CHRND: variants seen among roughly 807,000 people sequenced by gnomAD.
CHRND encodes cholinergic receptor nicotinic delta subunit.
CHRND carries 40 observed loss-of-function variants against 57.8 expected under a neutral mutation model. That is an observed-to-expected ratio of 0.69 (90% confidence interval 0.54 to 0.90). CHRND has a LOEUF of 0.90. Ranked by LOEUF, CHRND falls within the 40% of genes least tolerant of loss-of-function variation. The probability of loss-of-function intolerance (pLI) is 0.00; values close to 1 mark genes in which losing one functional copy is unlikely to be tolerated. For missense variants in CHRND, 634 were observed against 673.9 expected, an observed-to-expected ratio of 0.94 and a Z score of 0.66; for synonymous variants, 237 against 270.6, an observed-to-expected ratio of 0.88 and a Z score of 1.22.
chr2:232,529,539 G>A (rs544745377), intron 6 of CHRND, among the ~76,000 whole-genome samples: 211 of 152,360 alleles, frequency 1.4e-3, no homozygotes, highest in African/African-American at 4.0e-3. Context: ...GCCGAGGAGT[G>A]GCTCAATTAA....
chr2:232,535,058 G>C (rs1691834088), intron 11 of CHRND, 72 bp from the exon 12 acceptor site: 1 of 1,572,352 alleles, frequency 6.4e-7, no homozygotes, highest in Non-Finnish European at 8.7e-7. Context: ...TCCATGGCTG[G>C]GCCCCAGCTT....
At chr2:232,526,504 A>T in intron 1 of CHRND, 25 bp from the exon 2 acceptor site, 2 of 1,613,292 alleles carry the variant, frequency 1.2e-6, no homozygotes, top group Non-Finnish European at 1.7e-6. Flanking sequence ...GGCCCCATTC[A>T]GTCCTTGTCG....
chr2:232,527,302 GAA>G (rs60481847), intron 2 of CHRND, 97 bp from the exon 3 acceptor site: 3 of 942,898 alleles, frequency 3.2e-6, no homozygotes, highest in Admixed American at 3.9e-5. Context: ...CAAGACCCTG[GAA>G]AAAAAAAGAG....
In CHRND at chr2:232,528,548, A is replaced by T; in HGVS notation, c.401A>T (p.Tyr134Phe). Residue 134 changes from tyrosine (Y) to phenylalanine (F), a missense_variant, in exon 5 of 12, where the codon TAC (tyrosine) becomes TTC (phenylalanine). Coordinates refer to ENST00000258385, the MANE Select transcript of CHRND (RefSeq NM_000751.3). ...TCCTACTCCTGCAACGTGCTTGTCT[A>T]CCACTACGGCTTCGTGTACTGGCTG... is the stretch of plus-strand genomic sequence containing the variant. ...QISYSCNVLV[Y>F]HYGFVYWLPP... The T allele has an allele frequency of 1.9e-6, 3 of 1,614,010 alleles. No homozygotes were observed. The highest frequency in any genetic ancestry group is 2.5e-6 in the Non-Finnish European group (3 of 1,180,004).
At position 232,528,577 on chromosome 2, in the gene CHRND, C is replaced by T. The variant is rs1691569628; in HGVS notation, c.430C>T (p.Pro144Ser). 1.2e-6 allele frequency: 2 copies of T among 1,614,022 alleles called. No homozygotes were observed. The highest frequency in any genetic ancestry group is 2.2e-5 in the East Asian group (1 of 44,882). Reference protein sequence around the residue: ...YHYGFVYWLPPAIFRSSCPIS... With the variant: ...YHYGFVYWLPSAIFRSSCPIS... ...CTACGGCTTCGTGTACTGGCTGCCA[C>T]CTGCCATCTTCCGCTCCTCCTGCCC... is the stretch of plus-strand genomic sequence containing the variant. Residue 144 changes from proline (P) to serine (S), a missense_variant, in exon 5 of 12, where the codon CCT (proline) becomes TCT (serine). Pro to Ser is a moderately conservative substitution (Grantham distance 74, BLOSUM62 -1). Transcript: ENST00000258385.
intron 4 of CHRND, 50 bp from the exon 5 acceptor site, chr2:232,528,451 C>G (rs756306085): frequency 4.3e-6 from 7 of 1,613,772 alleles, no homozygotes; most frequent in Admixed American, 3.3e-5. Context: ...CCCAACTCTG[C>G]CAGTCGTGAG....
At chr2:232,534,416 G>T in intron 11 of CHRND, 74 bp downstream of exon 11, 1 of 1,451,394 alleles carries the variant, frequency 6.9e-7, no homozygotes, top group Non-Finnish European at 9.7e-7. Context: ...TCTTAAGAGG[G>T]CAGGGTTCCC....
chr2:232,526,935 G>A (rs892421781), intron 2 of CHRND, among the ~76,000 whole-genome samples: 3 of 152,158 alleles, frequency 2.0e-5, no homozygotes, highest in Admixed American at 6.5e-5. Context: ...GCTCCCTGGC[G>A]GCCTACCCAC....
chr2:232,530,090 C>A lies in CHRND; in HGVS notation c.771C>A (p.Cys257Ter). The part of the protein sequence containing the change: ...LFYIINILVP[C>*]VLISFMVNLV... Reference sequence around the variant, plus strand: ...ACATCATCAACATCCTGGTGCCCTGCGTGCTCATCTCCTTCATGGTCAACC... The same window carrying A: ...ACATCATCAACATCCTGGTGCCCTGAGTGCTCATCTCCTTCATGGTCAACC... The change falls in exon 7 of 12, where the codon TGC becomes TGA. Residue 257 changes from cysteine to a stop codon, truncating the protein, a stop_gained. Transcript: ENST00000258385. LOFTEE classifies it high-confidence loss of function. The A allele has an allele frequency of 6.2e-7, 1 of 1,614,150 alleles. No individual in the cohort carries two copies. Among genetic ancestry groups the A allele is most frequent in the Non-Finnish European group, 8.5e-7 (1 of 1,180,032 alleles).
intron 11 of CHRND, 27 bp from the exon 12 acceptor site, chr2:232,535,103 C>T (rs746294428): frequency 2.5e-6 from 4 of 1,612,908 alleles, no homozygotes; most frequent in Non-Finnish European, 3.4e-6. Context: ...GCCCTTCTCA[C>T]CCCACTCTCT....
intron 2 of CHRND, 108 bp downstream of exon 2, chr2:232,526,782 C>CGAGT (rs1346024379): frequency 1.7e-6 from 2 of 1,174,610 alleles, no homozygotes; most frequent in Non-Finnish European, 2.5e-6. Context: ...ATGGCCACTC[C>CGAGT]CTTCCTGGGA....
At chr2:232,527,330 G>GAT in intron 2 of CHRND, 71 bp from the exon 3 acceptor site, 1 of 1,306,870 alleles carries the variant, frequency 7.7e-7, no homozygotes. Context: ...GAGAGAGAGA[G>GAT]AGAGTGGGTG....
chr2:232,533,885 G>T, intron 9 of CHRND, 46 bp from the exon 10 acceptor site: 2 of 1,593,832 alleles, frequency 1.3e-6, no homozygotes, highest in Non-Finnish European at 1.7e-6. Flanking sequence ...CAAAAACAAA[G>T]AACAAAAAAC....
intron 6 of CHRND, 90 bp from the exon 7 acceptor site, chr2:232,529,849 T>C: frequency 2.1e-6 from 3 of 1,433,302 alleles, no homozygotes; most frequent in Non-Finnish European, 2.9e-6. Flanking sequence ...CTGGACTGGC[T>C]TGCCCTGCCC....
chr2:232,527,255 A>G lies in CHRND; in HGVS notation c.199-146A>G, dbSNP rs4973537. 310,805 of 798,446 alleles carry G rather than the reference A, an allele frequency of 0.39. 64,184 individuals are homozygous for G. The highest frequency in any genetic ancestry group is 0.58 in the Admixed American group (33,328 of 56,978). 49.5% of individuals were successfully genotyped at this position (798,446 alleles called of 1,614,324 possible). On this transcript the variant is annotated intron_variant, in intron 2 of 11. Coordinates refer to ENST00000258385, the MANE Select transcript of CHRND (RefSeq NM_000751.3). ...CAGAGGTTGCAGGTTGCAGTGAGCCAAGCTCGTGCCACTGCACTCCATCCT... is the reference window on the plus strand; with the variant it reads ...CAGAGGTTGCAGGTTGCAGTGAGCCGAGCTCGTGCCACTGCACTCCATCCT...
Position 232,536,068 on chromosome 2 carries a change from G to T in CHRND, c.*756G>T, listed in dbSNP as rs938159176. The stretch of plus-strand genomic sequence containing the variant: ...CTAAAAAATCATTCGTTGTTTCTCT[G>T]AAATTTGTCCCCTATTTTTATTTGC... On this transcript the variant is annotated 3_prime_UTR_variant, in exon 12 of 12. Transcript: ENST00000258385. The T allele has an allele frequency of 2.0e-5, 9 of 453,994 alleles. No individual in the cohort carries two copies. Among genetic ancestry groups the T allele is most frequent in the African/African-American group, 1.6e-4 (8 of 49,992 alleles). The allele number at this position is 453,994 out of a possible 1,614,324, so 28.1% of individuals were successfully genotyped here.
intron 8 of CHRND, 27 bp downstream of exon 8, chr2:232,531,490 C>A: frequency 6.2e-7 from 1 of 1,613,602 alleles, no homozygotes; most frequent in Non-Finnish European, 8.5e-7. Flanking sequence ...CCCGGCCTCA[C>A]CCTGCTTGCC....
At chr2:232,527,526 C>A (rs1195181194) in intron 3 of CHRND, 81 bp downstream of exon 3, 1 of 1,037,906 alleles carries the variant, frequency 9.6e-7, no homozygotes, top group African/African-American at 1.6e-5. Flanking sequence ...GGGTGGATCA[C>A]GAGGTCAGGA....
chr2:232,530,432 C>T lies in CHRND; in HGVS notation c.820+293C>T, dbSNP rs568447821. Reference sequence around the variant, plus strand: ...GTCAGGGCAGAGACCAAGTCCCTCACGGTCACCAGTGTGTGACCGTGGGCC... The same window carrying T: ...GTCAGGGCAGAGACCAAGTCCCTCATGGTCACCAGTGTGTGACCGTGGGCC... On this transcript the variant is annotated intron_variant, in intron 7 of 11. Coordinates refer to ENST00000258385, the MANE Select transcript of CHRND (RefSeq NM_000751.3). Among the ~76,000 whole-genome samples, 25 of 152,372 alleles carry T rather than the reference C, an allele frequency of 1.6e-4. 1 individual carries two copies. In the South Asian group the frequency reaches 2.7e-3, roughly 16 times the overall value.
Sources: gnomAD v4.1 joint callset for allele counts (sites outside exome capture counted in the v4.1 genomes callset) on GRCh38, gnomAD v4.1.1 for gene constraint, MANE v1.5 for transcripts, NCBI Gene and HGNC (gene_info 2026-07-23, HGNC 2026-07-21) for gene names.